EML6: variants seen among roughly 807,000 people sequenced by gnomAD.
EML6 encodes the protein EMAP like 6.
A neutral mutation model predicts 240.1 loss-of-function variants in EML6; 154 were observed. The ratio of observed to expected loss-of-function variants is 0.64; its 90% CI spans 0.56 to 0.73. EML6 has a LOEUF of 0.73. Ranked by LOEUF, EML6 falls within the 30% of genes least tolerant of loss-of-function variation. EML6 has a pLI of 0.00. For synonymous variants in EML6, 1,148 were observed against 899.0 expected (o/e 1.28, Z -4.95); for missense variants, 2,964 against 2,474.6 (o/e 1.20, Z -4.20).
At chr2:54,850,485 A>T (rs1670019044) in intron 10 of EML6, 1 of 379,060 alleles carries the variant, frequency 2.6e-6, no homozygotes, top group Admixed American at 4.0e-5. Context: ...TGTAAAGACA[A>T]GGCATAGACT....
intron 2 of EML6, among the ~76,000 whole-genome samples, chr2:54,744,947 CACACACACACACA>C (rs1683844368): frequency 2.2e-5 from 3 of 137,458 alleles, no homozygotes; most frequent in South Asian, 2.2e-4. Flanking sequence ...CACACACACA[CACACACACACACA>C]CACCCTGCCA....
At chr2:54,797,772 C>A (rs1451000413) in intron 2 of EML6, among the ~76,000 whole-genome samples, 1 of 152,146 alleles carries the variant, frequency 6.6e-6, no homozygotes, top group Non-Finnish European at 1.5e-5. Context: ...GGGTATAAAT[C>A]CTGTCTCTAC....
intron 2 of EML6, among the ~76,000 whole-genome samples, chr2:54,788,999 T>C (rs562162515): frequency 6.6e-6 from 1 of 152,324 alleles, no homozygotes; most frequent in South Asian, 2.1e-4. Flanking sequence ...CATTTCTTAA[T>C]AAAATGAGGC....
chr2:54,781,541 G>A lies in EML6; in HGVS notation c.198-31691G>A, dbSNP rs540346568. Reference sequence around the variant, plus strand: ...TTTGAAATCTAATTGTATCTAGACAGTACTGACAAATCATTGAAGTTAGAG... The same window carrying A: ...TTTGAAATCTAATTGTATCTAGACAATACTGACAAATCATTGAAGTTAGAG... On this transcript the variant is annotated intron_variant, in intron 2 of 41. Transcript: ENST00000356458. Among the ~76,000 whole-genome samples, 4 of 152,144 alleles carry A rather than the reference G, an allele frequency of 2.6e-5. No individual in the cohort carries two copies. In the East Asian group the frequency reaches 7.7e-4, roughly 29 times the overall value.
intron 2 of EML6, among the ~76,000 whole-genome samples, chr2:54,731,266 C>G (rs1436942342): frequency 6.6e-6 from 1 of 152,088 alleles, no homozygotes; most frequent in African/African-American, 2.4e-5. Flanking sequence ...TACCATATGC[C>G]CTAGATTTCC....
chr2:54,771,716 C>T (rs535184859), intron 2 of EML6, among the ~76,000 whole-genome samples: 3 of 152,302 alleles, frequency 2.0e-5, no homozygotes, highest in Admixed American at 6.5e-5. Context: ...CACAGTTGTC[C>T]GATAATCTGT....
intron 28 of EML6, 105 bp from the exon 29 acceptor site, chr2:54,948,776 CG>C: frequency 1.3e-6 from 1 of 794,062 alleles, no homozygotes. Flanking sequence ...GCCTTTGAGG[CG>C]GGAGGAGAGA....
intron 32 of EML6, 23 bp from the exon 33 acceptor site, chr2:54,957,767 A>C (rs1558725653): frequency 6.5e-7 from 1 of 1,548,560 alleles, no homozygotes; most frequent in Non-Finnish European, 8.7e-7. Context: ...GAGGAGCCTC[A>C]CTGGACTCTG....
intron 2 of EML6, among the ~76,000 whole-genome samples, chr2:54,786,072 A>T (rs939832927): frequency 4.6e-5 from 7 of 152,062 alleles, no homozygotes; most frequent in African/African-American, 9.7e-5. Context: ...GTTGGGGTAA[A>T]GGAGCTAGCT....
intron 8 of EML6, among the ~76,000 whole-genome samples, chr2:54,845,902 T>G (rs1558605142): frequency 1.3e-5 from 2 of 152,196 alleles, no homozygotes; most frequent in African/African-American, 4.8e-5. Context: ...TCCCAGACAC[T>G]AGTTTGTGTT....
At chr2:54,797,266 G>C (rs976213476) in intron 2 of EML6, among the ~76,000 whole-genome samples, 1 of 151,516 alleles carries the variant, frequency 6.6e-6, no homozygotes, top group South Asian at 2.1e-4. Flanking sequence ...GAGGATGGAT[G>C]CTGCTGGTCT....
At chr2:54,768,693 T>C (rs1319788526) in intron 2 of EML6, among the ~76,000 whole-genome samples, 1 of 152,200 alleles carries the variant, frequency 6.6e-6, no homozygotes, top group African/African-American at 2.4e-5. Context: ...GGCAAGCCAT[T>C]ATCTCCTCTG....
chr2:54,865,321 CAAAAA>C (rs10689357), intron 13 of EML6, among the ~76,000 whole-genome samples: 1 of 138,732 alleles, frequency 7.2e-6, no homozygotes, highest in Non-Finnish European at 1.5e-5. Flanking sequence ...TCTGTATCTA[CAAAAA>C]AAAAAAAAAA....
intron 7 of EML6, 79 bp from the exon 8 acceptor site, chr2:54,843,964 TTGTG>T (rs70944190): frequency 0.053 from 34,199 of 648,244 alleles, 123 homozygotes; most frequent in African/African-American, 0.071. Flanking sequence ...CTTTAGGGTT[TTGTG>T]TGTGTGTGTG....
chr2:54,723,813 G>C (rs534512677), intron 1 of EML6, 36 bp downstream of exon 1: 11 of 152,632 alleles, frequency 7.2e-5, no homozygotes, highest in Admixed American at 6.5e-4. Context: ...CTCCGCGGGC[G>C]AGGCTGGTTC....
intron 13 of EML6, among the ~76,000 whole-genome samples, chr2:54,866,289 C>T (rs920260159): frequency 6.6e-6 from 1 of 152,068 alleles, no homozygotes; most frequent in Non-Finnish European, 1.5e-5. Context: ...CGTTTTAGGT[C>T]CCAAGTTAGA....
chr2:54,877,535 A>T (rs540073108), intron 16 of EML6, among the ~76,000 whole-genome samples: 2 of 152,354 alleles, frequency 1.3e-5, no homozygotes, highest in Admixed American at 1.3e-4. Flanking sequence ...AGGCATGCCA[A>T]CATAGAAACA....
At chr2:54,812,404 G>T (rs1273574349) in intron 2 of EML6, among the ~76,000 whole-genome samples, 1 of 151,942 alleles carries the variant, frequency 6.6e-6, no homozygotes, top group Non-Finnish European at 1.5e-5. Flanking sequence ...TTTGTTGATT[G>T]TATAAGCAGA....
intron 26 of EML6, among the ~76,000 whole-genome samples, chr2:54,925,482 A>C (rs1013153967): frequency 6.6e-6 from 1 of 152,080 alleles, no homozygotes; most frequent in African/African-American, 2.4e-5. Flanking sequence ...CTGTGTCCAA[A>C]ATTCAAGTTC....
Sources: gnomAD v4.1 joint callset for allele counts (sites outside exome capture counted in the v4.1 genomes callset) on GRCh38, gnomAD v4.1.1 for gene constraint, MANE v1.5 for transcripts, NCBI Gene and HGNC (gene_info 2026-07-23, HGNC 2026-07-21) for gene names.